SUMF1: variants seen among roughly 807,000 people sequenced by gnomAD.
The protein encoded by SUMF1 is formylglycine-generating enzyme.
In SUMF1, 48 loss-of-function variants were observed where a neutral mutation model predicts 47.6. The observed-to-expected ratio is 1.01, with a 90% CI of 0.80 to 1.28. The LOEUF (loss-of-function observed/expected upper bound fraction) is 1.28. SUMF1 is among the 50% of genes most tolerant of loss of function. SUMF1 has a pLI of 0.00. For missense variants in SUMF1, 571 were observed against 485.4 expected (o/e 1.18, Z -1.66); for synonymous variants, 230 against 192.1 (o/e 1.20, Z -1.63).
At chr3:4,303,402 CT>C in intron 8 of SUMF1, 1 of 1,558,872 alleles carries the variant, frequency 6.4e-7, no homozygotes, top group Non-Finnish European at 8.6e-7. Context: ...ACGACACGGC[CT>C]TGTGGGATGG....
rs59454637 is a variant in SUMF1, at chr3:4,148,012, A to G, written c.1015-79267T>C. 1.0e-3 allele frequency among the ~76,000 whole-genome samples: 155 copies of G among 152,274 alleles called. 3 individuals carry two copies. In the East Asian group the frequency reaches 0.025, roughly 25 times the overall value. ...CAGGGAAATTGAGGGTGCATGAAAT[A>G]TAAGCTTCCTTTGGCACATTTTAAA... On this transcript the variant is annotated intron_variant and NMD_transcript_variant, in intron 8 of 12. Transcript: ENST00000448413.
chr3:4,346,064 C>G (rs1699367114), intron 8 of SUMF1, among the ~76,000 whole-genome samples: 1 of 152,230 alleles, frequency 6.6e-6, no homozygotes, highest in East Asian at 1.9e-4. Context: ...CTTAGACTCC[C>G]ACACAATAAT....
chr3:4,346,040 G>C (rs988313587), intron 8 of SUMF1, among the ~76,000 whole-genome samples: 1 of 152,266 alleles, frequency 6.6e-6, no homozygotes, highest in South Asian at 2.1e-4. Flanking sequence ...AATTTTTAGA[G>C]ATCTACAAAG....
chr3:4,076,670 A>C (rs1692442573), intron 8 of SUMF1, among the ~76,000 whole-genome samples: 1 of 152,174 alleles, frequency 6.6e-6, no homozygotes. Context: ...AAACCCCATC[A>C]AAAAGCGGGT....
intron 8 of SUMF1, among the ~76,000 whole-genome samples, chr3:4,161,832 G>C (rs1694584144): frequency 6.6e-6 from 1 of 152,000 alleles, no homozygotes; most frequent in Non-Finnish European, 1.5e-5. Context: ...GCAGGACAAA[G>C]TCCCCTTTAC....
intron 8 of SUMF1, among the ~76,000 whole-genome samples, chr3:4,150,996 G>T (rs1262015259): frequency 6.6e-6 from 1 of 151,352 alleles, no homozygotes; most frequent in Non-Finnish European, 1.5e-5. Flanking sequence ...GGGGACAAAT[G>T]GCCTTCACAC....
intron 8 of SUMF1, among the ~76,000 whole-genome samples, chr3:4,136,594 T>C (rs910188324): frequency 2.0e-5 from 3 of 151,882 alleles, no homozygotes; most frequent in African/African-American, 7.3e-5. Context: ...TCAAAAGCAA[T>C]GGCAACAAAA....
At chr3:4,108,696 T>C (rs1013044598) in intron 8 of SUMF1, among the ~76,000 whole-genome samples, 3 of 152,158 alleles carry the variant, frequency 2.0e-5, no homozygotes, top group Non-Finnish European at 4.4e-5. Context: ...TTTGTCTCTT[T>C]TGATCTTTGT....
At chr3:4,248,009 A>G (rs73806969) in intron 8 of SUMF1, among the ~76,000 whole-genome samples, 14,500 of 152,252 alleles carry the variant, frequency 0.095, 1,636 homozygotes, top group African/African-American at 0.27. Flanking sequence ...TCATCAGAAA[A>G]TATTTTGTAA....
At chr3:4,212,881 A>G (rs1441920061) in intron 8 of SUMF1, among the ~76,000 whole-genome samples, 1 of 152,082 alleles carries the variant, frequency 6.6e-6, no homozygotes, top group Admixed American at 6.6e-5. Flanking sequence ...AAAAACGAAC[A>G]AACAAAGCCT....
chr3:4,349,523 A>C (rs1699442346), intron 8 of SUMF1, among the ~76,000 whole-genome samples: 1 of 152,216 alleles, frequency 6.6e-6, no homozygotes, highest in African/African-American at 2.4e-5. Context: ...TACTATAAAG[A>C]CACACGCACA....
chr3:4,180,653 T>A (rs1695074866), intron 8 of SUMF1, among the ~76,000 whole-genome samples: 2 of 83,072 alleles, frequency 2.4e-5, no homozygotes, highest in African/African-American at 9.6e-5. Context: ...GTATCAAACC[T>A]GCACATTGTG....
At chr3:4,193,749 T>C (rs1400403410) in intron 8 of SUMF1, among the ~76,000 whole-genome samples, 1 of 152,100 alleles carries the variant, frequency 6.6e-6, no homozygotes, top group Non-Finnish European at 1.5e-5. Context: ...CTTATAGGAC[T>C]CAAATTTCAC....
intron 8 of SUMF1, among the ~76,000 whole-genome samples, chr3:4,147,291 T>C (rs920646458): frequency 6.6e-6 from 1 of 152,064 alleles, no homozygotes; most frequent in African/African-American, 2.4e-5. Context: ...GAAATACCAT[T>C]TGACCCAGCC....
chr3:4,419,296 A>G, intron 4 of SUMF1, among the ~76,000 whole-genome samples: 1 of 152,178 alleles, frequency 6.6e-6, no homozygotes, highest in East Asian at 1.9e-4. Flanking sequence ...GCTTTGAAAG[A>G]TGTTTGACAT....
At chr3:4,126,597 G>A (rs989378779) in intron 8 of SUMF1, among the ~76,000 whole-genome samples, 1 of 152,088 alleles carries the variant, frequency 6.6e-6, no homozygotes, top group African/African-American at 2.4e-5. Context: ...TCAGCAACAG[G>A]AGTCTAAGAA....
chr3:4,367,200 C>A (rs561337971), intron 8 of SUMF1, among the ~76,000 whole-genome samples: 64 of 152,306 alleles, frequency 4.2e-4, no homozygotes, highest in East Asian at 2.1e-3. Flanking sequence ...GCAGTCTGCC[C>A]ATTCTCAGAT....
rs1197877693 is a variant in SUMF1 at position 4,467,121 on chromosome 3, C to T, written c.125G>A (p.Gly42Asp). The change falls in exon 1 of 9, where the codon GGC becomes GAC. Residue 42 changes from glycine to aspartate, a missense_variant. By Grantham distance (94) the Gly-to-Asp change is moderately conservative (BLOSUM62 -1). Transcript: ENST00000272902. ...GCAAGAACCCGCAAGGGACCCCGCG[C>T]CCGCACCGGTCCCGGCCTCCTGGCT... ...AGSQEAGTGA[G>D]AGSLAGSCGC... The T allele has an allele frequency of 6.4e-7, 1 of 1,561,436 alleles. No homozygotes were observed. Among genetic ancestry groups the T allele is most frequent in the Non-Finnish European group, 8.7e-7 (1 of 1,154,310 alleles).
intron 8 of SUMF1, among the ~76,000 whole-genome samples, chr3:4,235,398 GA>G (rs1472238562): frequency 6.6e-6 from 1 of 151,982 alleles, no homozygotes; most frequent in African/African-American, 2.4e-5. Flanking sequence ...TACTAGGCTA[GA>G]CCAGAGATAC....
Sources: gnomAD v4.1 joint callset for allele counts (sites outside exome capture counted in the v4.1 genomes callset) on GRCh38, gnomAD v4.1.1 for gene constraint, MANE v1.5 for transcripts, NCBI Gene and HGNC (gene_info 2026-07-23, HGNC 2026-07-21) for gene names.